DDR2: variants seen among roughly 807,000 people sequenced by gnomAD.
The protein encoded by DDR2 is discoidin domain-containing receptor 2.
DDR2 carries 27 observed loss-of-function variants against 94.9 expected under a neutral mutation model. The ratio of observed to expected loss-of-function variants is 0.28; its 90% CI spans 0.21 to 0.39. DDR2 has a LOEUF of 0.39. DDR2 is among the 10% of genes least tolerant of loss of function. The probability of loss-of-function intolerance (pLI) is 1.00; values close to 1 mark genes in which losing one functional copy is unlikely to be tolerated. For synonymous variants in DDR2, 382 were observed against 377.2 expected (o/e 1.01, Z -0.15); for missense variants, 783 against 1,076.0 (o/e 0.73, Z 3.81).
intron 13 of DDR2, 135 bp from the exon 14 acceptor site, chr1:162,773,334 C>T: frequency 8.5e-7 from 1 of 1,183,388 alleles, no homozygotes; most frequent in Non-Finnish European, 1.2e-6. Context: ...ATATGTTACA[C>T]ATATCTTCTT....
chr1:162,703,101 C>T (rs1660505083), intron 2 of DDR2, among the ~76,000 whole-genome samples: 2 of 152,118 alleles, frequency 1.3e-5, no homozygotes, highest in Non-Finnish European at 2.9e-5. Context: ...TAAAATATAA[C>T]TAGGAAAGTC....
intron 12 of DDR2, chr1:162,770,873 A>G (rs1383001398): frequency 3.1e-6 from 1 of 318,184 alleles, no homozygotes; most frequent in African/African-American, 2.1e-5. Flanking sequence ...CCCAACACCA[A>G]ATTTCATGAG....
chr1:162,647,442 G>A lies in DDR2; in HGVS notation c.-191-7769G>A, dbSNP rs1010800500. The stretch of plus-strand genomic sequence containing the variant: ...CCAAGAGAGGGTTCTTAGACCTCAC[G>A]TGAGAAAGAGTTCTGGGCAAGTCTA... On this transcript the variant is annotated intron_variant, in intron 1 of 17. Coordinates refer to ENST00000367921, the MANE Select transcript of DDR2 (RefSeq NM_006182.4). Among the ~76,000 whole-genome samples, 7 of 152,114 alleles carry A rather than the reference G, an allele frequency of 4.6e-5. No homozygotes were observed. In the East Asian group the frequency reaches 1.3e-3, roughly 29 times the overall value.
intron 6 of DDR2, 82 bp downstream of exon 6, chr1:162,755,385 G>A (rs532940593): frequency 1.9e-6 from 3 of 1,546,942 alleles, no homozygotes; most frequent in South Asian, 2.3e-5. Flanking sequence ...ATCAGAAAGG[G>A]ATGGGATCAG....
intron 2 of DDR2, among the ~76,000 whole-genome samples, chr1:162,686,542 T>C (rs1659698835): frequency 6.6e-6 from 1 of 152,244 alleles, no homozygotes; most frequent in Admixed American, 6.5e-5. Context: ...GCAAAGGATA[T>C]GAACTCATTG....
intron 3 of DDR2, among the ~76,000 whole-genome samples, chr1:162,747,169 T>C (rs1037925068): frequency 6.6e-6 from 1 of 152,172 alleles, no homozygotes; most frequent in South Asian, 2.1e-4. Context: ...AGAATGACTT[T>C]GACAAGATGA....
intron 4 of DDR2, 38 bp downstream of exon 4, chr1:162,753,235 G>A (rs1242770240): frequency 6.3e-7 from 1 of 1,591,968 alleles, no homozygotes; most frequent in African/African-American, 1.3e-5. Context: ...ATGTTCTGGG[G>A]TTGGGCAGAT....
intron 1 of DDR2, among the ~76,000 whole-genome samples, chr1:162,641,902 G>C (rs533606891): frequency 8.6e-5 from 13 of 151,840 alleles, no homozygotes; most frequent in Non-Finnish European, 1.6e-4. Flanking sequence ...GTGAAAACTC[G>C]GTTTGTATTG....
In DDR2 at chr1:162,781,683, C is replaced by T. The variant is rs1647915970; in HGVS notation, c.*1437C>T. The stretch of plus-strand genomic sequence containing the variant: ...GACCAGCAGAAAAGAAAGCTCAGGG[C>T]TGTGGCTTCAGAATTCATGGAAACA... On this transcript the variant is annotated 3_prime_UTR_variant, in exon 18 of 18. Transcript: ENST00000367921. 1 of 152,170 alleles carries T rather than the reference C, an allele frequency of 6.6e-6. No individual in the cohort carries two copies. Among genetic ancestry groups the T allele is most frequent in the Admixed American group, 6.5e-5 (1 of 15,274 alleles). The allele number at this position is 152,170 out of a possible 1,614,324, so 9.4% of individuals were successfully genotyped here.
intron 2 of DDR2, among the ~76,000 whole-genome samples, chr1:162,686,472 G>A (rs1203393559): frequency 2.6e-5 from 4 of 152,140 alleles, no homozygotes; most frequent in Non-Finnish European, 5.9e-5. Flanking sequence ...GCGGTGTTTG[G>A]TTTTGTGTTC....
chr1:162,749,700 C>G (rs972471215), intron 3 of DDR2, among the ~76,000 whole-genome samples: 1 of 152,060 alleles, frequency 6.6e-6, no homozygotes, highest in Non-Finnish European at 1.5e-5. Flanking sequence ...AGAGACACAA[C>G]AACAACAAAA....
intron 2 of DDR2, among the ~76,000 whole-genome samples, chr1:162,698,053 G>T (rs544541402): frequency 1.3e-5 from 2 of 152,308 alleles, no homozygotes; most frequent in African/African-American, 4.8e-5. Context: ...ACTGAGAAGA[G>T]AATCTGCTAA....
chr1:162,654,548 A>G (rs973294273), intron 1 of DDR2, among the ~76,000 whole-genome samples: 2 of 152,214 alleles, frequency 1.3e-5, no homozygotes, highest in South Asian at 4.1e-4. Flanking sequence ...AAATTACTCA[A>G]GTAACTGATA....
chr1:162,678,167 C>A (rs1009411510), intron 2 of DDR2, among the ~76,000 whole-genome samples: 2 of 152,188 alleles, frequency 1.3e-5, no homozygotes, highest in African/African-American at 2.4e-5. Flanking sequence ...TTGTTACCTA[C>A]TAGTTACCTA....
rs1283946682 is a variant in DDR2 at position 162,781,492 on chromosome 1, C to T, written c.*1246C>T. 1.3e-5 allele frequency: 2 copies of T among 152,190 alleles called. No homozygotes were observed. The highest frequency in any genetic ancestry group is 2.1e-4 in the South Asian group (1 of 4,830). 9.4% of individuals were successfully genotyped at this position (152,190 alleles called of 1,614,324 possible). ...CACTGGAGAGGTTAAGATAGAGGCT[C>T]AAGAACAATGCAAGGAAAATGGAGG... On this transcript the variant is annotated 3_prime_UTR_variant, in exon 18 of 18. Coordinates refer to ENST00000367921, the MANE Select transcript of DDR2 (RefSeq NM_006182.4).
chr1:162,739,198 C>T (rs1297118922), intron 3 of DDR2, among the ~76,000 whole-genome samples: 15 of 142,378 alleles, frequency 1.1e-4, no homozygotes, highest in African/African-American at 3.7e-4. Flanking sequence ...AAAATTTTCG[C>T]AACCTACTCA....
At chr1:162,655,465 G>A (rs1657910304) in intron 2 of DDR2, 91 bp downstream of exon 2, 1 of 152,230 alleles carries the variant, frequency 6.6e-6, no homozygotes, top group African/African-American at 2.4e-5. Context: ...CCTGCCTGGT[G>A]TCACAGGGAA....
Position 162,700,065 on chromosome 1 carries a change from TAGTTAC to T in DDR2, c.-27-18971_-27-18966del, listed in dbSNP as rs1282397341. Among the ~76,000 whole-genome samples the T allele has an allele frequency of 3.5e-4, 54 of 152,338 alleles. No individual in the cohort carries two copies. The Middle Eastern group carries it at 0.01, about 29-fold the overall frequency. Reference sequence around the variant, plus strand: ...CTGCAACTCTATTTTCAAACAAAGGTAGTTACTCATGAGAGAGCTTCTTTAAACTGC... The same window carrying T: ...CTGCAACTCTATTTTCAAACAAAGGTTCATGAGAGAGCTTCTTTAAACTGC... On this transcript the variant is annotated intron_variant, in intron 2 of 17. Coordinates refer to ENST00000367921, the MANE Select transcript of DDR2 (RefSeq NM_006182.4).
At chr1:162,714,893 T>C (rs1661091579) in intron 2 of DDR2, among the ~76,000 whole-genome samples, 1 of 152,192 alleles carries the variant, frequency 6.6e-6, no homozygotes, top group Admixed American at 6.5e-5. Context: ...TTTTGAGTTT[T>C]ATTTCTTGAG....
Sources: allele counts gnomAD v4.1 joint callset (sites outside exome capture counted in the v4.1 genomes callset), GRCh38; gene constraint gnomAD v4.1.1; transcripts MANE v1.5; gene names NCBI Gene and HGNC (gene_info 2026-07-23, HGNC 2026-07-21).